The following TIMM44 variants were observed in gnomAD, a reference collection of about 807,000 sequenced individuals.
TIMM44 encodes the protein mitochondrial import inner membrane translocase subunit TIM44.
Under a neutral mutation model 63.8 loss-of-function variants are expected in TIMM44, and 37 were observed. The ratio of observed to expected loss-of-function variants is 0.58; its 90% CI spans 0.45 to 0.76. The LOEUF (loss-of-function observed/expected upper bound fraction) is 0.76, where lower values mean the gene tolerates loss of function less well. TIMM44 is among the 30% of genes least tolerant of loss of function. The pLI is 0.00. For missense variants in TIMM44, 573 were observed against 603.8 expected, an observed-to-expected ratio of 0.95 and a Z score of 0.54; for synonymous variants, 239 against 245.1, an observed-to-expected ratio of 0.98 and a Z score of 0.23.
intron 10 of TIMM44, 37 bp from the exon 11 acceptor site, chr19:7,928,203 C>G: frequency 6.4e-7 from 1 of 1,567,690 alleles, no homozygotes; most frequent in East Asian, 2.3e-5. Flanking sequence ...GTGATGCCAC[C>G]CAGGGTGGGC....
chr19:7,943,632 C>T lies in TIMM44; in HGVS notation c.20G>A (p.Arg7Gln). 6.4e-7 allele frequency: 1 copy of T among 1,569,954 alleles called. No homozygotes were observed. Among genetic ancestry groups the T allele is most frequent in the East Asian group, 2.3e-5 (1 of 42,622 alleles). Residue 7 changes from arginine (R) to glutamine (Q), a missense_variant, in exon 1 of 13, where the codon CGG becomes CAG. Arg to Gln is a conservative substitution (Grantham distance 43). Transcript: ENST00000270538. This position sits in a 1 kb window ranked among gnomAD's most constrained non-coding sequence, Gnocchi z 4.3. The stretch of plus-strand genomic sequence containing the variant: ...CCGTGGACAGCGGCACCAGCCACTC[C>T]GCAGGGCCGCCGCCGCCATGTTGGA... MAAAAL[R>Q]SGWCRCPRRC...
rs532671808 is a variant in TIMM44, at chr19:7,934,414, C to A, written c.394-176G>T. 6.0e-5 allele frequency among the ~76,000 whole-genome samples: 9 copies of A among 151,004 alleles called. No individual in the cohort carries two copies. Among genetic ancestry groups the A allele is most frequent in the Non-Finnish European group, 1.2e-4 (8 of 67,660 alleles). On this transcript the variant is annotated intron_variant, in intron 4 of 12. Transcript: ENST00000270538. This position sits in a 1 kb window ranked among gnomAD's most constrained non-coding sequence, Gnocchi z 5.3. ...CCCAGAGCCATGAGCACAACGGCAC[C>A]CCCAGAGCCACGAGCACACCGCCAC...
At position 7,927,654 on chromosome 19, in the gene TIMM44, C is replaced by CT; in HGVS notation, c.1239+2_1239+3insA. ...GCCTGCCCCATCCCACTCCCTCACT[C>CT]ACCGGGTCACCCTCCACCACCTCGC... On this transcript the variant is annotated splice_region_variant and intron_variant, in intron 12 of 12. Coordinates refer to ENST00000270538, the MANE Select transcript of TIMM44 (RefSeq NM_006351.4). 1 of 1,613,162 alleles carries CT rather than the reference C, an allele frequency of 6.2e-7. No individual in the cohort carries two copies. The highest frequency in any genetic ancestry group is 1.1e-5 in the South Asian group (1 of 91,088).
Position 7,927,693 on chromosome 19 carries a change from G to C in TIMM44, c.1203C>G (p.Val401=). ...CCACCACCTCGCCTTTGGGGTTCCTGACCACCATCACCAGCTGTGCCTGGA... is the reference window on the plus strand; with the variant it reads ...CCACCACCTCGCCTTTGGGGTTCCTCACCACCATCACCAGCTGTGCCTGGA... ...ITFQAQLVMV[V]RNPKGEVVEG... Residue 401 remains valine, a synonymous_variant, in exon 12 of 13, where the codon GTC becomes GTG. Coordinates refer to ENST00000270538, the MANE Select transcript of TIMM44 (RefSeq NM_006351.4). 6.2e-7 allele frequency: 1 copy of C among 1,613,506 alleles called. No individual in the cohort carries two copies. The highest frequency in any genetic ancestry group is 2.2e-5 in the East Asian group (1 of 44,876).
At chr19:7,928,055 G>A in intron 11 of TIMM44, 22 bp downstream of exon 11, 3 of 1,606,936 alleles carry the variant, frequency 1.9e-6, no homozygotes, top group Non-Finnish European at 2.6e-6. Context: ...GGTGGCCCGG[G>A]CCCCCACTGC....
At position 7,927,695 on chromosome 19, in the gene TIMM44, C is replaced by A; in HGVS notation, c.1201G>T (p.Val401Phe). The A allele has an allele frequency of 1.2e-6, 2 of 1,613,556 alleles. No individual in the cohort carries two copies. Among genetic ancestry groups the A allele is most frequent in the Non-Finnish European group, 1.7e-6 (2 of 1,180,016 alleles). The change falls in exon 12 of 13, where the codon GTC (valine) becomes TTC (phenylalanine). Residue 401 changes from valine (V) to phenylalanine (F), a missense_variant. Physicochemically the swap from Val to Phe is conservative, Grantham distance 50. Coordinates refer to ENST00000270538, the MANE Select transcript of TIMM44 (RefSeq NM_006351.4). ...ACCACCTCGCCTTTGGGGTTCCTGACCACCATCACCAGCTGTGCCTGGAAG... is the reference window on the plus strand; with the variant it reads ...ACCACCTCGCCTTTGGGGTTCCTGAACACCATCACCAGCTGTGCCTGGAAG... The part of the protein sequence containing the change: ...ITFQAQLVMV[V>F]RNPKGEVVEG...
rs893203272 is a variant in TIMM44, at chr19:7,934,399, T to C, written c.394-161A>G. On this transcript the variant is annotated intron_variant, in intron 4 of 12. Transcript: ENST00000270538. This position sits in a 1 kb window ranked among gnomAD's most constrained non-coding sequence, Gnocchi z 5.3. ...GTGGTACGCGGCACCCCCAGAGCCA[T>C]GAGCACAACGGCACCCCCAGAGCCA... Among the ~76,000 whole-genome samples, 3 of 149,956 alleles carry C rather than the reference T, an allele frequency of 2.0e-5. No individual in the cohort carries two copies. The highest frequency in any genetic ancestry group is 2.1e-4 in the South Asian group (1 of 4,734).
chr19:7,927,901 G>A, intron 11 of TIMM44, 134 bp from the exon 12 acceptor site: 1 of 1,119,928 alleles, frequency 8.9e-7, no homozygotes, highest in Non-Finnish European at 1.3e-6. Context: ...CTCCCCGTGG[G>A]CCTTGCCTCT....
At chr19:7,942,013 A>T (rs1409628958) in intron 1 of TIMM44, among the ~76,000 whole-genome samples, 1 of 152,196 alleles carries the variant, frequency 6.6e-6, no homozygotes, top group African/African-American at 2.4e-5. Context: ...AGAGTAATTT[A>T]GGGGAGTCGC....
At chr19:7,935,006 T>A (rs2145177299) in intron 4 of TIMM44, 59 bp downstream of exon 4, 1 of 1,513,078 alleles carries the variant, frequency 6.6e-7, no homozygotes, top group African/African-American at 1.4e-5. Flanking sequence ...TCCTCCAGCC[T>A]CCAGCGGCCA....
chr19:7,938,191 A>C lies in TIMM44; in HGVS notation c.148T>G (p.Ser50Ala). ...CCTTTTCTGTTTCCAGAAGAATATG[A>C]TTTGGACTAGAAAGAATGTACAAGA... The part of the protein sequence containing the change: ...RPGGELPLSK[S>A]YSSGNRKGFL... The change falls in exon 3 of 13, where the codon TCA becomes GCA. Residue 50 changes from serine (S) to alanine (A), a missense_variant. Coordinates refer to ENST00000270538, the MANE Select transcript of TIMM44 (RefSeq NM_006351.4). The C allele has an allele frequency of 6.2e-7, 1 of 1,613,002 alleles. No individual in the cohort carries two copies. Among genetic ancestry groups the C allele is most frequent in the South Asian group, 1.1e-5 (1 of 90,846 alleles).
At position 7,926,945 on chromosome 19, in the gene TIMM44, G is replaced by A. The variant is rs1037381202; in HGVS notation, c.*242C>T. 1.9e-6 allele frequency: 1 copy of A among 531,454 alleles called. No homozygotes were observed. Among genetic ancestry groups the A allele is most frequent in the African/African-American group, 1.9e-5 (1 of 52,244 alleles). 32.9% of individuals were successfully genotyped at this position (531,454 alleles called of 1,614,324 possible). On this transcript the variant is annotated 3_prime_UTR_variant, in exon 13 of 13. Coordinates refer to ENST00000270538, the MANE Select transcript of TIMM44 (RefSeq NM_006351.4). ...GTGCACCCCAGGTGACCAGGCGCCGGGACCCCTGCAGGGCAGAGCAACAGG... is the reference window on the plus strand; with the variant it reads ...GTGCACCCCAGGTGACCAGGCGCCGAGACCCCTGCAGGGCAGAGCAACAGG...
intron 1 of TIMM44, 75 bp from the exon 2 acceptor site, chr19:7,941,272 A>C: frequency 4.3e-6 from 5 of 1,167,874 alleles, no homozygotes; most frequent in South Asian, 1.2e-5. Flanking sequence ...CACACACAAA[A>C]CAGCAGGGTC....
At chr19:7,935,705 G>T (rs1457571665) in intron 3 of TIMM44, among the ~76,000 whole-genome samples, 1 of 152,212 alleles carries the variant, frequency 6.6e-6, no homozygotes, top group African/African-American at 2.4e-5. Context: ...GAGAACAGGA[G>T]GCCCAGCCTT....
rs117812409 is a variant in TIMM44 at position 7,938,136 on chromosome 19, T to C, written c.203A>G (p.Lys68Arg). ...TTCTTTGTTTTTGGCTAATTCTTGTTTGACATTATCTAGCAAGCCGGACAG... is the reference window on the plus strand; with the variant it reads ...TTCTTTGTTTTTGGCTAATTCTTGTCTGACATTATCTAGCAAGCCGGACAG... ...GFLSGLLDNV[K>R]QELAKNKEMK... The change falls in exon 3 of 13, where the codon AAA (lysine) becomes AGA (arginine). Residue 68 changes from lysine to arginine, a missense_variant. Coordinates refer to ENST00000270538, the MANE Select transcript of TIMM44 (RefSeq NM_006351.4). 15,767 of 1,614,048 alleles carry C rather than the reference T, an allele frequency of 9.8e-3. 97 individuals carry two copies. The highest frequency in any genetic ancestry group is 0.012 in the Non-Finnish European group (13,831 of 1,179,994).
At chr19:7,929,458 C>T (rs896997703) in intron 10 of TIMM44, among the ~76,000 whole-genome samples, 1 of 152,200 alleles carries the variant, frequency 6.6e-6, no homozygotes, top group Non-Finnish European at 1.5e-5. Flanking sequence ...CAACCCCATC[C>T]GTGCCCCATA....
In TIMM44 at chr19:7,943,589, C is replaced by G. The variant is rs746595198; in HGVS notation, c.45+18G>C. The G allele has an allele frequency of 1.9e-6, 3 of 1,562,372 alleles. No homozygotes were observed. Among genetic ancestry groups the G allele is most frequent in the Non-Finnish European group, 2.6e-6 (3 of 1,160,216 alleles). ...AAGACCCCTAAGCTCGCCCTGCCAG[C>G]GCCGCACCGCCGCTCACCCGTGGAC... On this transcript the variant is annotated intron_variant, in intron 1 of 12. Transcript: ENST00000270538. The surrounding 1 kb of genome is among the most constrained non-coding windows in gnomAD (Gnocchi z 4.3).
rs149909692 is a variant in TIMM44 at position 7,939,689 on chromosome 19, G to A, written c.141+1413C>T. Among the ~76,000 whole-genome samples the A allele has an allele frequency of 4.6e-5, 7 of 151,992 alleles. No individual in the cohort carries two copies. In the East Asian group the frequency reaches 1.4e-3, roughly 29 times the overall value. ...CTAGCACTTTGGGAGACCGAGGTGG[G>A]CGGATCACTTGAGGCCAGGAGTCCG... is the stretch of plus-strand genomic sequence containing the variant. On this transcript the variant is annotated intron_variant, in intron 2 of 12. Transcript: ENST00000270538.
chr19:7,927,253 C>G lies in TIMM44; in HGVS notation c.1293G>C (p.Glu431Asp), dbSNP rs141209361. 6.2e-7 allele frequency: 1 copy of G among 1,612,466 alleles called. No homozygotes were observed. The highest frequency in any genetic ancestry group is 1.7e-5 in the Admixed American group (1 of 60,028). The change falls in exon 13 of 13, where the codon GAG (glutamate) becomes GAC (aspartate). Residue 431 changes from glutamate (E) to aspartate (D), a missense_variant. By Grantham distance (45) the Glu-to-Asp change is conservative. Transcript: ENST00000270538. Reference sequence around the variant, plus strand: ...GCCGCCAGGCCGCGTAGGGGTTGAGCTCGTCCTGGTCTCGGCAGAGCGCCC... The same window carrying G: ...GCCGCCAGGCCGCGTAGGGGTTGAGGTCGTCCTGGTCTCGGCAGAGCGCCC... ...YVWALCRDQD[E>D]LNPYAAWRLL...
Sources: allele counts gnomAD v4.1 joint callset (sites outside exome capture counted in the v4.1 genomes callset), GRCh38; gene constraint gnomAD v4.1.1; non-coding constraint Gnocchi (gnomAD v3.1); transcripts MANE v1.5; gene names NCBI Gene and HGNC (gene_info 2026-07-23, HGNC 2026-07-21).